The following DSE variants were observed in gnomAD, a reference collection of about 807,000 sequenced individuals.
The protein encoded by DSE is dermatan sulfate epimerase.
Under a neutral mutation model 84.4 loss-of-function variants are expected in DSE, and 36 were observed. That is an observed-to-expected ratio of 0.43 (90% CI 0.33 to 0.56). The LOEUF (loss-of-function observed/expected upper bound fraction) is 0.56, where lower values mean the gene tolerates loss of function less well. DSE is among the 20% of genes least tolerant of loss of function. The pLI is 0.06. For synonymous variants in DSE, 410 were observed against 430.1 expected, an observed-to-expected ratio of 0.95 and a Z score of 0.58; for missense variants, 862 against 1,169.6, an observed-to-expected ratio of 0.74 and a Z score of 3.84.
At chr6:116,388,091 C>G (rs1222732978) in intron 1 of DSE, among the ~76,000 whole-genome samples, 2 of 152,126 alleles carry the variant, frequency 1.3e-5, no homozygotes, top group African/African-American at 4.8e-5. Context: ...CTATCTATAT[C>G]TAGAATTGGC....
intron 2 of DSE, among the ~76,000 whole-genome samples, chr6:116,272,956 G>T (rs960439747): frequency 6.6e-6 from 1 of 152,122 alleles, no homozygotes; most frequent in Non-Finnish European, 1.5e-5. Flanking sequence ...AGTGTCAGGC[G>T]CAAAGTAAGC....
intron 2 of DSE, among the ~76,000 whole-genome samples, chr6:116,267,898 C>G (rs1772705179): frequency 6.6e-6 from 1 of 152,056 alleles, no homozygotes; most frequent in East Asian, 1.9e-4. Flanking sequence ...CTTTTAAACC[C>G]CCAGATCTCA....
chr6:116,278,997 G>A, intron 2 of DSE: 3 of 1,614,126 alleles, frequency 1.9e-6, no homozygotes, highest in Non-Finnish European at 2.5e-6. Flanking sequence ...CAGTCATCCA[G>A]AAGCCCGGGA....
chr6:116,421,465 T>TATATATATATATATATATA (rs60351849), intron 2 of DSE, among the ~76,000 whole-genome samples: 1 of 30,624 alleles, frequency 3.3e-5, no homozygotes, highest in African/African-American at 1.8e-4. Flanking sequence ...ATATATATAT[T>TATATATATATATATATATA]TTTTTTTTTT....
intron 2 of DSE, among the ~76,000 whole-genome samples, chr6:116,301,294 A>C (rs1037901178): frequency 4.6e-5 from 7 of 152,240 alleles, no homozygotes; most frequent in Admixed American, 2.0e-4. Context: ...ACCCATCTGG[A>C]AAGAGTTTTG....
At position 116,399,205 on chromosome 6, in the gene DSE, C is replaced by T. The variant is rs181790874; in HGVS notation, c.-46C>T. ...CCTTTTTATCTCACGTAGGATCTTT[C>T]GAAGATGGTTTGGCTGCCTTGGAGA... On this transcript the variant is annotated 5_prime_UTR_variant, in exon 2 of 6. Transcript: ENST00000644252. 248 of 1,610,616 alleles carry T rather than the reference C, an allele frequency of 1.5e-4. No homozygotes were observed. The African/African-American group carries it at 2.7e-3, about 17-fold the overall frequency.
chr6:116,337,598 C>T (rs1777327982), intron 2 of DSE, among the ~76,000 whole-genome samples: 1 of 152,078 alleles, frequency 6.6e-6, no homozygotes, highest in East Asian at 1.9e-4. Context: ...GGTGACAGAG[C>T]AAGACTCCAT....
chr6:116,298,969 G>C (rs1774830976), intron 2 of DSE, among the ~76,000 whole-genome samples: 2 of 152,142 alleles, frequency 1.3e-5, no homozygotes, highest in African/African-American at 4.8e-5. Flanking sequence ...GGCATTGTGT[G>C]CATATCTATG....
At chr6:116,259,309 T>C (rs1772299598) in intron 2 of DSE, 1 of 505,020 alleles carries the variant, frequency 2.0e-6, no homozygotes, top group South Asian at 2.2e-5. Flanking sequence ...TAAATGGTTA[T>C]ACCTGTAGAC....
rs1256649321 is a variant in DSE at position 116,436,650 on chromosome 6, A to G, written c.2182A>G (p.Lys728Glu). Residue 728 changes from lysine to glutamate, a missense_variant, in exon 6 of 6, where the codon AAG (lysine) becomes GAG (glutamate). This residue lies in a region of DSE where 315 missense variants were observed against 348.1 expected (regional missense o/e 0.90). Transcript: ENST00000644252. ...TCTGTTTGACCGGAATTCAGCCATC[A>G]AGAGCAGCATTGTCCCTGAGGTGAA... ...KILFDRNSAI[K>E]SSIVPEVKDY... 1 of 1,614,194 alleles carries G rather than the reference A, an allele frequency of 6.2e-7. No homozygotes were observed. The highest frequency in any genetic ancestry group is 1.7e-5 in the Admixed American group (1 of 60,030).
At chr6:116,338,783 C>T (rs1320531837) in intron 2 of DSE, among the ~76,000 whole-genome samples, 3 of 152,146 alleles carry the variant, frequency 2.0e-5, no homozygotes, top group African/African-American at 7.2e-5. Flanking sequence ...AAGTGTTGTA[C>T]AGGGTGTCAG....
chr6:116,268,267 C>G (rs1772722532), intron 2 of DSE, among the ~76,000 whole-genome samples: 1 of 152,162 alleles, frequency 6.6e-6, no homozygotes, highest in Non-Finnish European at 1.5e-5. Flanking sequence ...CAAATACTTG[C>G]CATTGTGTTC....
At chr6:116,373,140 G>A (rs1230768678) in intron 1 of DSE, among the ~76,000 whole-genome samples, 2 of 151,016 alleles carry the variant, frequency 1.3e-5, no homozygotes, top group East Asian at 3.9e-4. Flanking sequence ...GGATCACCAG[G>A]TCAAGAGTTC....
chr6:116,318,165 T>C (rs1776097598), intron 2 of DSE, among the ~76,000 whole-genome samples: 1 of 152,196 alleles, frequency 6.6e-6, no homozygotes, highest in Non-Finnish European at 1.5e-5. Flanking sequence ...AGCATTATAA[T>C]TATTATGCTT....
At chr6:116,413,484 A>G (rs1782511777) in intron 2 of DSE, among the ~76,000 whole-genome samples, 1 of 152,110 alleles carries the variant, frequency 6.6e-6, no homozygotes, top group African/African-American at 2.4e-5. Flanking sequence ...TTATTCTCAA[A>G]ATGTATTGGG....
intron 2 of DSE, among the ~76,000 whole-genome samples, chr6:116,289,030 T>G (rs1018259855): frequency 5.9e-5 from 9 of 152,054 alleles, no homozygotes; most frequent in African/African-American, 1.9e-4. Flanking sequence ...AAATATTATG[T>G]TGCTTCACTA....
At chr6:116,427,251 A>G (rs963658873) in intron 3 of DSE, among the ~76,000 whole-genome samples, 10 of 152,240 alleles carry the variant, frequency 6.6e-5, no homozygotes, top group African/African-American at 2.4e-4. Context: ...TCCTCTTAAT[A>G]TTTAAAACAA....
chr6:116,383,793 A>G (rs1329586765), intron 1 of DSE, among the ~76,000 whole-genome samples: 1 of 152,146 alleles, frequency 6.6e-6, no homozygotes, highest in Admixed American at 6.5e-5. Context: ...CTGTGTATCC[A>G]TGGCCAGCAA....
rs1274180408 is a variant in DSE at position 116,438,454 on chromosome 6, T to C, written c.*1109T>C. 2 of 152,156 alleles carry C rather than the reference T, an allele frequency of 1.3e-5. No homozygotes were observed. Among genetic ancestry groups the C allele is most frequent in the Non-Finnish European group, 2.9e-5 (2 of 67,992 alleles). The allele number at this position is 152,156 out of a possible 1,614,324, so 9.4% of individuals were successfully genotyped here. On this transcript the variant is annotated 3_prime_UTR_variant, in exon 6 of 6. Transcript: ENST00000644252. ...TAACCTTAATTGTTGTTTAAGCATA[T>C]TTTAAATATTTAAAACAATAGCCAA...
Sources: allele counts gnomAD v4.1 joint callset (sites outside exome capture counted in the v4.1 genomes callset), GRCh38; gene constraint gnomAD v4.1.1; regional missense constraint gnomAD v4.1.1; transcripts MANE v1.5; gene names NCBI Gene and HGNC (gene_info 2026-07-23, HGNC 2026-07-21).